The following COA7 variants were observed in gnomAD, a reference collection of about 807,000 sequenced individuals.
The protein encoded by COA7 is cytochrome c oxidase assembly factor 7, also known as Sel1 repeat containing 1.
Under a neutral mutation model 21.0 loss-of-function variants are expected in COA7, and 12 were observed. That is an observed-to-expected ratio of 0.57 (90% CI 0.37 to 0.92). The LOEUF is 0.92. COA7 is among the 40% of genes least tolerant of loss of function. The pLI, the probability that COA7 is intolerant of heterozygous loss-of-function variation, is 0.01. For missense variants in COA7, 240 were observed against 286.1 expected (o/e 0.84, Z 1.16); for synonymous variants, 95 against 107.4 (o/e 0.88, Z 0.72).
chr1:52,697,710 A>C (rs1218819965), intron 1 of COA7, among the ~76,000 whole-genome samples: 1 of 151,988 alleles, frequency 6.6e-6, no homozygotes, highest in Non-Finnish European at 1.5e-5. Context: ...GTAGCTGGGA[A>C]TACAGGCGCC....
intron 1 of COA7, among the ~76,000 whole-genome samples, chr1:52,697,510 ACTGCCCTC>A (rs1280788769): frequency 6.6e-6 from 1 of 152,118 alleles, no homozygotes; most frequent in Non-Finnish European, 1.5e-5. Context: ...TCAATTTAAA[ACTGCCCTC>A]CTGCCCTCCT....
Position 52,693,235 on chromosome 1 carries a change from A to T in COA7, c.107-368T>A, listed in dbSNP as rs548736771. ...AATCTCTCATGAAGTTAAATGGTAA[A>T]AACAGTGAAAACCTAAAAGGCTCAT... On this transcript the variant is annotated intron_variant, in intron 1 of 2. Transcript: ENST00000371538. Among the ~76,000 whole-genome samples the T allele has an allele frequency of 4.6e-5, 7 of 152,286 alleles. No homozygotes were observed. In the East Asian group the frequency reaches 1.3e-3, roughly 29 times the overall value.
In COA7 at chr1:52,696,258, C is replaced by T. The variant is rs1016174368; in HGVS notation, c.106+1963G>A. 3.0e-4 allele frequency among the ~76,000 whole-genome samples: 45 copies of T among 152,092 alleles called. 1 individual carries two copies. Among genetic ancestry groups the T allele is most frequent in the Non-Finnish European group, 2.9e-5 (2 of 68,028 alleles). On this transcript the variant is annotated intron_variant, in intron 1 of 2. Coordinates refer to ENST00000371538, the MANE Select transcript of COA7 (RefSeq NM_023077.3). ...GCGCGATCTCAGCTCACTGCAACCTCCGCCTCCCAGGTTCAAGCCATTCTC... is the reference window on the plus strand; with the variant it reads ...GCGCGATCTCAGCTCACTGCAACCTTCGCCTCCCAGGTTCAAGCCATTCTC...
intron 1 of COA7, 22 bp downstream of exon 1, chr1:52,698,199 G>A: frequency 6.4e-7 from 1 of 1,566,632 alleles, no homozygotes; most frequent in Middle Eastern, 1.7e-4. Context: ...ACGCGTCGCC[G>A]GGCTGCGCTG....
Position 52,687,027 on chromosome 1 carries a change from T to C in COA7, c.*693A>G, listed in dbSNP as rs1302720653. 6.6e-6 allele frequency: 1 copy of C among 152,338 alleles called. No individual in the cohort carries two copies. Among genetic ancestry groups the C allele is most frequent in the African/African-American group, 2.4e-5 (1 of 41,426 alleles). 9.4% of individuals were successfully genotyped at this position (152,338 alleles called of 1,614,324 possible). A position where few individuals can be genotyped will look rare whatever the true frequency, so the allele number is the denominator to read the frequency against. On this transcript the variant is annotated 3_prime_UTR_variant, in exon 3 of 3. Transcript: ENST00000371538. ...CTAATTTTTAACTGCCAATGTCTCT[T>C]CTAGACGATGGCAGGCTGATGTTTC...
At chr1:52,695,450 G>C (rs1458544348) in intron 1 of COA7, among the ~76,000 whole-genome samples, 1 of 151,992 alleles carries the variant, frequency 6.6e-6, no homozygotes, top group Non-Finnish European at 1.5e-5. Context: ...GGGCGACAGA[G>C]TAATACCCTG....
intron 2 of COA7, among the ~76,000 whole-genome samples, chr1:52,689,163 T>A (rs58428077): frequency 0.075 from 11,373 of 150,826 alleles, 473 homozygotes; most frequent in East Asian, 0.19. Context: ...TATTATTATT[T>A]TTTTTTTTTT....
Position 52,684,948 on chromosome 1 carries a change from A to T in COA7, c.*2772T>A, listed in dbSNP as rs1643991162. ...CTCTGTGACTTCTTATAGCTTGATA[A>T]CTCATAATTTGTCATAGCTTGATTT... On this transcript the variant is annotated 3_prime_UTR_variant, in exon 3 of 3. Coordinates refer to ENST00000371538, the MANE Select transcript of COA7 (RefSeq NM_023077.3). The T allele has an allele frequency of 6.6e-6, 1 of 152,208 alleles. No individual in the cohort carries two copies. The highest frequency in any genetic ancestry group is 2.4e-5 in the African/African-American group (1 of 41,518). 9.4% of individuals were successfully genotyped at this position (152,208 alleles called of 1,614,324 possible).
intron 2 of COA7, among the ~76,000 whole-genome samples, chr1:52,690,550 G>A (rs1644037939): frequency 6.6e-6 from 1 of 152,016 alleles, no homozygotes; most frequent in South Asian, 2.1e-4. Context: ...GGAAACTGCT[G>A]ACCTACAAAT....
chr1:52,693,357 C>T (rs1244599695), intron 1 of COA7, among the ~76,000 whole-genome samples: 6 of 151,914 alleles, frequency 3.9e-5, no homozygotes, highest in African/African-American at 1.5e-4. Context: ...GCAGGAGGAT[C>T]ACTTGAGGTC....
At chr1:52,696,990 TC>T (rs2149906341) in intron 1 of COA7, among the ~76,000 whole-genome samples, 1 of 152,060 alleles carries the variant, frequency 6.6e-6, no homozygotes, top group South Asian at 2.1e-4. Flanking sequence ...GTGCCTGTAA[TC>T]CCAGCTACTC....
chr1:52,687,761 T>C lies in COA7; in HGVS notation c.655A>G (p.Lys219Glu). The C allele has an allele frequency of 1.2e-6, 2 of 1,614,258 alleles. No individual in the cohort carries two copies. Among genetic ancestry groups the C allele is most frequent in the Non-Finnish European group, 8.5e-7 (1 of 1,180,034 alleles). ...VLKNRAQQLH[K>E]EQQKGVQPLT... ...GGTTGGACACCTTTCTGCTGTTCTT[T>C]GTGTAGCTGCTGGGCTCGATTTTTT... is the stretch of plus-strand genomic sequence containing the variant. The change falls in exon 3 of 3, where the codon AAA becomes GAA. Residue 219 changes from lysine (K) to glutamate (E), a missense_variant. By Grantham distance (56) the Lys-to-Glu change is moderately conservative. Transcript: ENST00000371538.
chr1:52,690,099 A>C (rs1368792959), intron 2 of COA7, among the ~76,000 whole-genome samples: 6 of 151,972 alleles, frequency 3.9e-5, no homozygotes, highest in African/African-American at 1.5e-4. Flanking sequence ...AGTATAGTGC[A>C]AGGCAGGCAA....
At chr1:52,688,497 C>T (rs1289503396) in intron 2 of COA7, among the ~76,000 whole-genome samples, 1 of 152,162 alleles carries the variant, frequency 6.6e-6, no homozygotes, top group Non-Finnish European at 1.5e-5. Context: ...ATCCTCCCAC[C>T]TTGGCCTCCC....
Position 52,686,812 on chromosome 1 carries a change from A to G in COA7, c.*908T>C, listed in dbSNP as rs927131462. ...ACTCTCTACGGTACCTGGAATCTGGAAAGAACACTAATTAACACAAACCGT... is the reference window on the plus strand; with the variant it reads ...ACTCTCTACGGTACCTGGAATCTGGGAAGAACACTAATTAACACAAACCGT... On this transcript the variant is annotated 3_prime_UTR_variant, in exon 3 of 3. Transcript: ENST00000371538. 5 of 152,226 alleles carry G rather than the reference A, an allele frequency of 3.3e-5. No individual in the cohort carries two copies. Among genetic ancestry groups the G allele is most frequent in the African/African-American group, 1.2e-4 (5 of 41,458 alleles). The allele number at this position is 152,226 out of a possible 1,614,324, so 9.4% of individuals were successfully genotyped here.
chr1:52,692,601 T>A, intron 2 of COA7, 126 bp downstream of exon 2: 1 of 1,088,636 alleles, frequency 9.2e-7, no homozygotes, highest in Non-Finnish European at 1.3e-6. Context: ...CTCCTACCTC[T>A]CCATCTTCCT....
At chr1:52,692,073 G>C (rs1644051290) in intron 2 of COA7, among the ~76,000 whole-genome samples, 1 of 152,092 alleles carries the variant, frequency 6.6e-6, no homozygotes, top group Admixed American at 6.6e-5. Context: ...AGGAACTAGA[G>C]GCCTCTGCTA....
intron 2 of COA7, among the ~76,000 whole-genome samples, chr1:52,690,026 C>CAAA (rs1274702331): frequency 3.9e-5 from 4 of 101,560 alleles, no homozygotes; most frequent in East Asian, 5.9e-4. Context: ...AACTCTGTCT[C>CAAA]AAAAAAAAAA....
rs1018956536 is a variant in COA7 at position 52,685,626 on chromosome 1, C to T, written c.*2094G>A. On this transcript the variant is annotated 3_prime_UTR_variant, in exon 3 of 3. Transcript: ENST00000371538. The stretch of plus-strand genomic sequence containing the variant: ...CTGTTACCTGGCTGGAGTGCAATGG[C>T]ATGGTCTTGGCTCACTGCAACCTCC... 3 of 151,960 alleles carry T rather than the reference C, an allele frequency of 2.0e-5. No homozygotes were observed. The highest frequency in any genetic ancestry group is 7.3e-5 in the African/African-American group (3 of 41,338). The allele number at this position is 151,960 out of a possible 1,614,324, so 9.4% of individuals were successfully genotyped here.
Sources: allele counts gnomAD v4.1 joint callset (sites outside exome capture counted in the v4.1 genomes callset), GRCh38; gene constraint gnomAD v4.1.1; transcripts MANE v1.5; gene names NCBI Gene and HGNC (gene_info 2026-07-23, HGNC 2026-07-21).